Variants in SUFU observed in about 807,000 individuals in gnomAD.
The protein encoded by SUFU is SUFU negative regulator of hedgehog signaling, also known as suppressor of fused homolog.
A neutral mutation model predicts 58.9 loss-of-function variants in SUFU; 7 were observed. That is an observed-to-expected ratio of 0.12 (90% confidence interval 0.07 to 0.22). The LOEUF (loss-of-function observed/expected upper bound fraction) is 0.22, where lower values mean the gene tolerates loss of function less well. SUFU is among the 10% of genes least tolerant of loss of function. The pLI is 1.00. For synonymous variants in SUFU, 232 were observed against 254.8 expected, an observed-to-expected ratio of 0.91 and a Z score of 0.85; for missense variants, 451 against 641.3, an observed-to-expected ratio of 0.70 and a Z score of 3.20.
At chr10:102,592,784 A>T (rs2063417880) in intron 4 of SUFU, 60 bp downstream of exon 4, 1 of 1,590,578 alleles carries the variant, frequency 6.3e-7, no homozygotes, top group East Asian at 2.2e-5. Flanking sequence ...TGGGAGGACA[A>T]GGAGGCTTGA....
At chr10:102,599,283 C>T (rs1326669958) in intron 7 of SUFU, 150 bp from the exon 8 acceptor site, 8 of 721,360 alleles carry the variant, frequency 1.1e-5, no homozygotes, top group Non-Finnish European at 1.8e-5. Context: ...TGTACTCACT[C>T]AGCGCTTACA....
At chr10:102,575,239 G>T (rs779665921) in intron 3 of SUFU, among the ~76,000 whole-genome samples, 2 of 152,164 alleles carry the variant, frequency 1.3e-5, no homozygotes, top group Non-Finnish European at 2.9e-5. Context: ...AGCTAGCCTG[G>T]TTGAAAATGC....
intron 8 of SUFU, 83 bp from the exon 9 acceptor site, chr10:102,615,185 A>T (rs886204091): frequency 6.3e-7 from 1 of 1,589,274 alleles, no homozygotes; most frequent in Non-Finnish European, 8.6e-7. Context: ...TTTATTACTC[A>T]GGAGCCCAGC....
intron 2 of SUFU, among the ~76,000 whole-genome samples, chr10:102,539,462 G>C (rs2062775737): frequency 6.6e-6 from 1 of 152,114 alleles, no homozygotes; most frequent in African/African-American, 2.4e-5. Flanking sequence ...TGTCTGCTAG[G>C]TTTCTCTTCT....
chr10:102,568,747 G>A (rs549173185), intron 3 of SUFU, among the ~76,000 whole-genome samples: 187 of 150,730 alleles, frequency 1.2e-3, no homozygotes, highest in African/African-American at 4.0e-3. Context: ...GGTGGCGGGC[G>A]CCTGTAATCC....
At chr10:102,512,930 A>T (rs1322573797) in intron 2 of SUFU, among the ~76,000 whole-genome samples, 1 of 151,954 alleles carries the variant, frequency 6.6e-6, no homozygotes, top group Non-Finnish European at 1.5e-5. Flanking sequence ...TTAGCCAGAC[A>T]TGGTGGTGTG....
intron 2 of SUFU, among the ~76,000 whole-genome samples, chr10:102,522,660 CTAGAT>C (rs1166905183): frequency 1.3e-5 from 2 of 152,210 alleles, no homozygotes; most frequent in South Asian, 2.1e-4. Context: ...TGCAGCAGGA[CTAGAT>C]CTAGAGATCT....
intron 3 of SUFU, among the ~76,000 whole-genome samples, chr10:102,553,951 A>C (rs2062947226): frequency 6.6e-6 from 1 of 152,136 alleles, no homozygotes; most frequent in Non-Finnish European, 1.5e-5. Flanking sequence ...AAAATTAGCC[A>C]TTGTGGTGAC....
Position 102,633,401 on chromosome 10 carries a change from T to G in SUFU, c.*3246T>G, listed in dbSNP as rs2063854055. The G allele has an allele frequency of 4.3e-6, 1 of 233,210 alleles. No homozygotes were observed. The highest frequency in any genetic ancestry group is 8.5e-6 in the Non-Finnish European group (1 of 117,798). 14.4% of individuals were successfully genotyped at this position (233,210 alleles called of 1,614,324 possible). ...GGTGACTCACTTAGATGTCGTTTCC[T>G]TCTTGCCCCCTCTTCCTCTCTGTAA... On this transcript the variant is annotated 3_prime_UTR_variant, in exon 12 of 12. Coordinates refer to ENST00000369902, the MANE Select transcript of SUFU (RefSeq NM_016169.4).
intron 8 of SUFU, among the ~76,000 whole-genome samples, chr10:102,614,346 A>G (rs2063659858): frequency 6.6e-6 from 1 of 152,108 alleles, no homozygotes; most frequent in South Asian, 2.1e-4. Context: ...ACCTGAGGTC[A>G]GGAGTTTGAA....
chr10:102,581,180 CAAAAAAAAAAAAAAAAAAAAAAA>C lies in SUFU; in HGVS notation c.455-11393_455-11371del, dbSNP rs71016393. 2.5e-4 allele frequency among the ~76,000 whole-genome samples: 19 copies of C among 75,680 alleles called. No homozygotes were observed. In the Admixed American group the frequency reaches 3.1e-3, roughly 12 times the overall value. The allele number at this position is 75,680 out of a possible 152,430, so 49.6% of individuals were successfully genotyped here. A position where few individuals can be genotyped will look rare whatever the true frequency, so the allele number is the denominator to read the frequency against. On this transcript the variant is annotated intron_variant, in intron 3 of 11. Transcript: ENST00000369902. ...GGGCGACAGAGAGAGACTCTGTCTCCAAAAAAAAAAAAAAAAAAAAAAAAAAAAAAAGAAGAAGAAGAAATTAG... is the reference window on the plus strand; with the variant it reads ...GGGCGACAGAGAGAGACTCTGTCTCCAAAAAAAAGAAGAAGAAGAAATTAG...
At chr10:102,551,947 G>A (rs925906775) in intron 3 of SUFU, among the ~76,000 whole-genome samples, 3 of 151,466 alleles carry the variant, frequency 2.0e-5, no homozygotes, top group Admixed American at 6.6e-5. Context: ...GGACGGTCTC[G>A]ATCTCCTGAC....
At position 102,629,996 on chromosome 10, in the gene SUFU, A is replaced by G. The variant is rs2063823282; in HGVS notation, c.1366-70A>G. 1.4e-6 allele frequency: 2 copies of G among 1,432,724 alleles called. No individual in the cohort carries two copies. The highest frequency in any genetic ancestry group is 2.0e-6 in the Non-Finnish European group (2 of 1,014,760). The allele number at this position is 1,432,724 out of a possible 1,614,324, so 88.8% of individuals were successfully genotyped here. On this transcript the variant is annotated intron_variant, in intron 11 of 11. Coordinates refer to ENST00000369902, the MANE Select transcript of SUFU (RefSeq NM_016169.4). This position sits in a 1 kb window ranked among gnomAD's most constrained non-coding sequence, Gnocchi z 4.7. Reference sequence around the variant, plus strand: ...AGCTCCCCGGGGACAGGCCTGGGCAATCTCTGGAAAGACCACGGTGTATTC... The same window carrying G: ...AGCTCCCCGGGGACAGGCCTGGGCAGTCTCTGGAAAGACCACGGTGTATTC...
At position 102,592,691 on chromosome 10, in the gene SUFU, G is replaced by T. The variant is rs1479650292; in HGVS notation, c.564G>T (p.Val188=). The change falls in exon 4 of 12, where the codon GTG becomes GTT. Residue 188 remains valine, a synonymous_variant. Transcript: ENST00000369902. ...CAGAGGACCCACAGATGCAGCCCGT[G>T]CAGACACCCTTTGGGGTAGTTACCT... The part of the protein sequence containing the change: ...LLTEDPQMQP[V]QTPFGVVTFL... 1.2e-6 allele frequency: 2 copies of T among 1,614,076 alleles called. No individual in the cohort carries two copies.
chr10:102,555,835 A>G (rs2062969835), intron 3 of SUFU, among the ~76,000 whole-genome samples: 2 of 152,320 alleles, frequency 1.3e-5, no homozygotes, highest in South Asian at 4.1e-4. Context: ...TACACGCTAC[A>G]AGAGTTACAT....
intron 2 of SUFU, among the ~76,000 whole-genome samples, chr10:102,539,661 A>G (rs2062777667): frequency 1.3e-5 from 2 of 152,188 alleles, no homozygotes; most frequent in South Asian, 4.1e-4. Context: ...TTGTTTCTAC[A>G]TTCATTCATT....
intron 8 of SUFU, among the ~76,000 whole-genome samples, chr10:102,604,628 G>A (rs1051383649): frequency 6.6e-6 from 1 of 152,158 alleles, no homozygotes; most frequent in African/African-American, 2.4e-5. Flanking sequence ...AAGGCTCAAA[G>A]GTAAGAGCTA....
Position 102,568,931 on chromosome 10 carries a change from T to TAC in SUFU, c.454+18826_454+18827insCA, listed in dbSNP as rs1564685729. Among the ~76,000 whole-genome samples the TAC allele has an allele frequency of 1.8e-3, 61 of 34,050 alleles. 1 individual carries two copies. Among genetic ancestry groups the TAC allele is most frequent in the African/African-American group, 5.8e-3 (56 of 9,624 alleles). 22.3% of individuals were successfully genotyped at this position (34,050 alleles called of 152,430 possible). A position where few individuals can be genotyped will look rare whatever the true frequency, so the allele number is the denominator to read the frequency against. On this transcript the variant is annotated intron_variant, in intron 3 of 11. Transcript: ENST00000369902. ...ATATATATATATATACACATATATA[T>TAC]ATATATATATATATATATATATATA...
intron 3 of SUFU, among the ~76,000 whole-genome samples, chr10:102,563,935 C>T (rs943813683): frequency 6.6e-6 from 1 of 152,168 alleles, no homozygotes; most frequent in Admixed American, 6.5e-5. Context: ...ATTCCAGTCC[C>T]TGGGGTCTTG....
Sources: gnomAD v4.1 joint callset for allele counts (sites outside exome capture counted in the v4.1 genomes callset) on GRCh38, gnomAD v4.1.1 for gene constraint, Gnocchi (gnomAD v3.1) non-coding constraint, MANE v1.5 for transcripts, NCBI Gene and HGNC (gene_info 2026-07-23, HGNC 2026-07-21) for gene names.